The following CDH18 variants were observed in gnomAD, a reference collection of about 807,000 sequenced individuals.
CDH18 encodes the protein cadherin-18.
In CDH18, 31 loss-of-function variants were observed where a neutral mutation model predicts 67.9. The observed-to-expected ratio is 0.46, with a 90% confidence interval of 0.34 to 0.62. The LOEUF (loss-of-function observed/expected upper bound fraction) is 0.62, where lower values mean the gene tolerates loss of function less well. Ranked by LOEUF, CDH18 falls within the 20% of genes least tolerant of loss-of-function variation. The pLI, the probability that CDH18 is intolerant of heterozygous loss-of-function variation, is 0.01. For synonymous variants in CDH18, 362 were observed against 347.2 expected (o/e 1.04, Z -0.48); for missense variants, 890 against 975.5 (o/e 0.91, Z 1.17).
intron 7 of CDH18, among the ~76,000 whole-genome samples, chr5:19,577,743 G>A (rs1742550667): frequency 6.6e-6 from 1 of 152,188 alleles, no homozygotes; most frequent in African/African-American, 2.4e-5. Flanking sequence ...CTGTACACAT[G>A]GGAAGGACAT....
chr5:20,280,357 C>A (rs568357828), intron 1 of CDH18, among the ~76,000 whole-genome samples: 140 of 152,168 alleles, frequency 9.2e-4, no homozygotes, highest in Admixed American at 8.7e-3. Flanking sequence ...TATCCCTCCC[C>A]ACTCCTCCCA....
chr5:19,596,639 T>C (rs1014115357), intron 6 of CDH18, among the ~76,000 whole-genome samples: 3 of 152,198 alleles, frequency 2.0e-5, no homozygotes, highest in Non-Finnish European at 4.4e-5. Context: ...TGCAAAAAAC[T>C]GTTCAAATGG....
chr5:20,344,144 A>G (rs193264922), intron 1 of CDH18, among the ~76,000 whole-genome samples: 2 of 152,286 alleles, frequency 1.3e-5, no homozygotes, highest in Non-Finnish European at 2.9e-5. Context: ...CCTCCAGCCA[A>G]TGGAAAGTTC....
chr5:19,717,045 T>C (rs1016095400), intron 5 of CDH18, among the ~76,000 whole-genome samples: 5 of 152,068 alleles, frequency 3.3e-5, no homozygotes, highest in Admixed American at 1.3e-4. Context: ...CTGTCAATGA[T>C]TTATACATTT....
At chr5:19,769,351 A>T (rs576289437) in intron 3 of CDH18, among the ~76,000 whole-genome samples, 2 of 152,242 alleles carry the variant, frequency 1.3e-5, no homozygotes, top group Non-Finnish European at 2.9e-5. Context: ...TGAACAGCTG[A>T]TTTCTAATAA....
At chr5:19,664,621 A>G (rs1757653664) in intron 5 of CDH18, among the ~76,000 whole-genome samples, 1 of 152,036 alleles carries the variant, frequency 6.6e-6, no homozygotes, top group Non-Finnish European at 1.5e-5. Context: ...TTAGTTAAAT[A>G]TAAATTCAAA....
At chr5:19,489,419 T>C (rs2126649549) in intron 11 of CDH18, among the ~76,000 whole-genome samples, 1 of 151,976 alleles carries the variant, frequency 6.6e-6, no homozygotes, top group African/African-American at 2.4e-5. Context: ...GGCTAATGTT[T>C]TGTATTTTTA....
At chr5:19,811,480 G>A (rs576254895) in intron 3 of CDH18, among the ~76,000 whole-genome samples, 4 of 152,064 alleles carry the variant, frequency 2.6e-5, no homozygotes, top group African/African-American at 9.6e-5. Flanking sequence ...CCCTTCGAAG[G>A]AACCAATCCT....
rs1420794344 is a variant in CDH18, at chr5:19,946,563, T to C, written c.-257+34497A>G. Among the ~76,000 whole-genome samples, 10 of 152,194 alleles carry C rather than the reference T, an allele frequency of 6.6e-5. No homozygotes were observed. The East Asian group carries it at 1.9e-3, about 29-fold the overall frequency. On this transcript the variant is annotated intron_variant, in intron 2 of 12. Coordinates refer to ENST00000382275, the MANE Select transcript of CDH18 (RefSeq NM_004934.5). ...ACTTGAGAATATTATACTTTAAAAATGGGGAGGATAAAGAAAGAAACTTAA... is the reference window on the plus strand; with the variant it reads ...ACTTGAGAATATTATACTTTAAAAACGGGGAGGATAAAGAAAGAAACTTAA...
chr5:20,126,640 A>G (rs1473549019), intron 2 of CDH18, among the ~76,000 whole-genome samples: 1 of 152,180 alleles, frequency 6.6e-6, no homozygotes, highest in African/African-American at 2.4e-5. Flanking sequence ...TTCCAAGTTA[A>G]AAATTTTCAA....
chr5:19,624,514 G>C (rs1400673617), intron 5 of CDH18, among the ~76,000 whole-genome samples: 1 of 152,180 alleles, frequency 6.6e-6, no homozygotes, highest in Non-Finnish European at 1.5e-5. Context: ...TCAGAGATAT[G>C]TATATGCTTT....
intron 1 of CDH18, among the ~76,000 whole-genome samples, chr5:20,271,633 T>TCA (rs368920757): frequency 6.6e-6 from 1 of 151,812 alleles, no homozygotes; most frequent in Non-Finnish European, 1.5e-5. Flanking sequence ...ACCACACACG[T>TCA]CACACACACT....
chr5:19,804,273 G>T (rs987061000), intron 3 of CDH18, among the ~76,000 whole-genome samples: 11 of 151,218 alleles, frequency 7.3e-5, no homozygotes, highest in African/African-American at 2.7e-4. Context: ...CTGCACTCCA[G>T]CCTGGGGGAC....
intron 1 of CDH18, among the ~76,000 whole-genome samples, chr5:20,542,542 G>GCAC (rs1757110869): frequency 2.6e-5 from 4 of 151,058 alleles, no homozygotes; most frequent in Non-Finnish European, 5.9e-5. Context: ...ATATGCATAT[G>GCAC]GATATATATA....
intron 1 of CDH18, among the ~76,000 whole-genome samples, chr5:19,986,340 A>G (rs2150375326): frequency 6.6e-6 from 1 of 152,080 alleles, no homozygotes; most frequent in East Asian, 1.9e-4. Flanking sequence ...GTTTCCTGCC[A>G]CTCACTGTCC....
chr5:20,022,139 C>G (rs1738481269), intron 2 of CDH18, among the ~76,000 whole-genome samples: 1 of 152,064 alleles, frequency 6.6e-6, no homozygotes, highest in Admixed American at 6.6e-5. Flanking sequence ...AAAACCTTAC[C>G]TTTTTATAAC....
chr5:19,898,005 T>G (rs1468573621), intron 2 of CDH18, among the ~76,000 whole-genome samples: 2 of 152,134 alleles, frequency 1.3e-5, no homozygotes, highest in African/African-American at 4.8e-5. Flanking sequence ...ATGATATGTA[T>G]GCTTTTCTAT....
chr5:20,051,787 G>A (rs1038054582), intron 2 of CDH18, among the ~76,000 whole-genome samples: 3 of 151,952 alleles, frequency 2.0e-5, no homozygotes, highest in Non-Finnish European at 4.4e-5. Flanking sequence ...ATAGATTCAG[G>A]AGTAATAAAA....
At chr5:20,222,994 A>G (rs1741350106) in intron 2 of CDH18, among the ~76,000 whole-genome samples, 1 of 152,108 alleles carries the variant, frequency 6.6e-6, no homozygotes, top group Non-Finnish European at 1.5e-5. Flanking sequence ...TTATATAAAT[A>G]ATTATTTGAT....
Sources: gnomAD v4.1 joint callset for allele counts (sites outside exome capture counted in the v4.1 genomes callset) on GRCh38, gnomAD v4.1.1 for gene constraint, MANE v1.5 for transcripts, NCBI Gene and HGNC (gene_info 2026-07-23, HGNC 2026-07-21) for gene names.